PRR16: variants seen among roughly 807,000 people sequenced by gnomAD.
The protein encoded by PRR16 is proline rich 16.
PRR16 carries 6 observed loss-of-function variants against 18.2 expected under a neutral mutation model. The ratio of observed to expected loss-of-function variants is 0.33; its 90% CI spans 0.18 to 0.65. PRR16 has a LOEUF of 0.65. PRR16 is among the 30% of genes least tolerant of loss of function. PRR16 has a pLI of 0.74. For synonymous variants in PRR16, 151 were observed against 147.8 expected, an observed-to-expected ratio of 1.02 and a Z score of -0.16; for missense variants, 412 against 376.6, an observed-to-expected ratio of 1.09 and a Z score of -0.78.
chr5:120,567,535 C>T (rs1752775680), intron 1 of PRR16, among the ~76,000 whole-genome samples: 1 of 152,112 alleles, frequency 6.6e-6, no homozygotes. Context: ...CTCTGTGTCC[C>T]CACTCAAATC....
chr5:120,542,327 T>A (rs1428153160), intron 1 of PRR16, among the ~76,000 whole-genome samples: 2 of 152,192 alleles, frequency 1.3e-5, no homozygotes, highest in Non-Finnish European at 1.5e-5. Flanking sequence ...TCAGTATTTT[T>A]AAATATTCCT....
chr5:120,582,895 G>A (rs760705725), intron 1 of PRR16, among the ~76,000 whole-genome samples: 51 of 152,218 alleles, frequency 3.4e-4, no homozygotes, highest in Non-Finnish European at 6.3e-4. Context: ...CTAAAGCAAG[G>A]TGGCTTGAAA....
chr5:120,570,526 G>A (rs773518085), intron 1 of PRR16, among the ~76,000 whole-genome samples: 5 of 152,084 alleles, frequency 3.3e-5, no homozygotes, highest in African/African-American at 4.8e-5. Context: ...AACATTACAT[G>A]CAAGTACCCA....
chr5:120,706,702 A>G, the PRR16 span, among the ~76,000 whole-genome samples: 16,185 of 152,246 alleles, frequency 0.11, 1,076 homozygotes, highest in Non-Finnish European at 0.14. Flanking sequence ...ACTCTTGTCA[A>G]ATAAAAATTG....
intron 1 of PRR16, among the ~76,000 whole-genome samples, chr5:120,480,000 A>G (rs1006641726): frequency 6.6e-6 from 1 of 152,268 alleles, no homozygotes; most frequent in African/African-American, 2.4e-5. Flanking sequence ...ATTTTAAAAT[A>G]AAATTCAAAA....
intron 1 of PRR16, among the ~76,000 whole-genome samples, chr5:120,529,311 A>G (rs1278141831): frequency 6.6e-6 from 1 of 152,188 alleles, no homozygotes; most frequent in Non-Finnish European, 1.5e-5. Flanking sequence ...CATAAAATTG[A>G]TGCGGAGGCA....
intron 1 of PRR16, among the ~76,000 whole-genome samples, chr5:120,495,280 A>G (rs1332178379): frequency 2.6e-5 from 4 of 152,032 alleles, no homozygotes; most frequent in African/African-American, 9.7e-5. Context: ...AGTCATGTGT[A>G]TGTTTTGTTA....
chr5:120,785,622 G>A, the PRR16 span, among the ~76,000 whole-genome samples: 1 of 127,388 alleles, frequency 7.9e-6, no homozygotes, highest in Non-Finnish European at 1.6e-5. Context: ...ACCCAGGCTG[G>A]AGTGCAGTGG....
At chr5:120,645,898 C>T (rs1282687654) in intron 1 of PRR16, among the ~76,000 whole-genome samples, 1 of 151,690 alleles carries the variant, frequency 6.6e-6, no homozygotes, top group East Asian at 1.9e-4. Flanking sequence ...CAGAGGAAAT[C>T]CTTCCCTGGA....
intron 1 of PRR16, among the ~76,000 whole-genome samples, chr5:120,484,955 T>C (rs1216402334): frequency 1.3e-5 from 2 of 151,780 alleles, no homozygotes; most frequent in African/African-American, 4.8e-5. Context: ...TAAAACATTG[T>C]ATATATTTTT....
intron 1 of PRR16, among the ~76,000 whole-genome samples, chr5:120,495,285 T>C (rs1291957069): frequency 6.6e-6 from 1 of 152,158 alleles, no homozygotes; most frequent in Non-Finnish European, 1.5e-5. Flanking sequence ...TGTGTATGTT[T>C]TGTTAGATTT....
At chr5:120,502,750 A>G (rs187125317) in intron 1 of PRR16, among the ~76,000 whole-genome samples, 42 of 152,330 alleles carry the variant, frequency 2.8e-4, no homozygotes, top group Admixed American at 2.6e-4. Flanking sequence ...GTTTCATACC[A>G]GCAATTTCTA....
intron 1 of PRR16, among the ~76,000 whole-genome samples, chr5:120,500,480 A>G (rs1268880466): frequency 6.6e-6 from 1 of 152,232 alleles, no homozygotes; most frequent in Non-Finnish European, 1.5e-5. Flanking sequence ...TGGAAGCAGA[A>G]TCGTTAATGC....
At chr5:120,713,261 C>G in the PRR16 span, among the ~76,000 whole-genome samples, 1 of 152,070 alleles carries the variant, frequency 6.6e-6, no homozygotes, top group Non-Finnish European at 1.5e-5. Flanking sequence ...ATTTCACTTA[C>G]GTGTAAAATC....
chr5:120,738,050 C>T, the PRR16 span, among the ~76,000 whole-genome samples: 2 of 151,576 alleles, frequency 1.3e-5, no homozygotes, highest in African/African-American at 2.4e-5. Flanking sequence ...AAGAAAATGC[C>T]TTTTTGGGCA....
intron 1 of PRR16, among the ~76,000 whole-genome samples, chr5:120,523,916 A>G (rs1266544736): frequency 1.3e-5 from 2 of 152,204 alleles, no homozygotes; most frequent in African/African-American, 4.8e-5. Flanking sequence ...CAGAATTAAT[A>G]TTTGAAAAGC....
intron 1 of PRR16, among the ~76,000 whole-genome samples, chr5:120,593,643 A>G (rs929922458): frequency 3.9e-5 from 6 of 152,140 alleles, no homozygotes; most frequent in African/African-American, 7.2e-5. Context: ...CTTCTCTCCA[A>G]TTCATTCCAT....
chr5:120,685,072 TTCTACCC>T (rs1354707683), intron 1 of PRR16, among the ~76,000 whole-genome samples: 1 of 152,228 alleles, frequency 6.6e-6, no homozygotes, highest in East Asian at 1.9e-4. Flanking sequence ...CAGCTTTTGC[TTCTACCC>T]TCTCTCAGAA....
At chr5:120,785,231 A>G in the PRR16 span, among the ~76,000 whole-genome samples, 3 of 152,114 alleles carry the variant, frequency 2.0e-5, no homozygotes, top group East Asian at 5.8e-4. Context: ...ACCTTTTTCT[A>G]ACTCTGCAAA....
Sources: allele counts gnomAD v4.1 joint callset (sites outside exome capture counted in the v4.1 genomes callset), GRCh38; gene constraint gnomAD v4.1.1; transcripts MANE v1.5; gene names NCBI Gene and HGNC (gene_info 2026-07-23, HGNC 2026-07-21).